Variants in FTO observed in about 807,000 individuals in gnomAD.
FTO encodes FTO alpha-ketoglutarate dependent dioxygenase.
Under a neutral mutation model 63.9 loss-of-function variants are expected in FTO, and 47 were observed. The ratio of observed to expected loss-of-function variants is 0.74; its 90% CI spans 0.58 to 0.94. The LOEUF (loss-of-function observed/expected upper bound fraction) is 0.94, where lower values mean the gene tolerates loss of function less well. Ranked by LOEUF, FTO falls within the 40% of genes least tolerant of loss-of-function variation. The probability of loss-of-function intolerance (pLI) is 0.00; values close to 1 mark genes in which losing one functional copy is unlikely to be tolerated. For missense variants in FTO, 562 were observed against 618.1 expected (o/e 0.91, Z 0.96); for synonymous variants, 207 against 224.4 (o/e 0.92, Z 0.69).
chr16:53,817,349 A>G (rs1207577766), intron 2 of FTO, among the ~76,000 whole-genome samples: 2 of 152,230 alleles, frequency 1.3e-5, no homozygotes, highest in Non-Finnish European at 2.9e-5. Flanking sequence ...AGTCTGGGTC[A>G]GACGAGTGTT....
intron 8 of FTO, among the ~76,000 whole-genome samples, chr16:53,948,628 C>G (rs560444657): frequency 7.4e-4 from 113 of 152,346 alleles, no homozygotes; most frequent in African/African-American, 2.6e-3. Flanking sequence ...GTTAGTAGGT[C>G]TTCCACATTT....
chr16:53,762,068 G>A lies in FTO; in HGVS notation c.46-48072G>A, dbSNP rs1314254531. Among the ~76,000 whole-genome samples the A allele has an allele frequency of 3.3e-5, 5 of 152,168 alleles. No individual in the cohort carries two copies. In the East Asian group the frequency reaches 9.6e-4, roughly 29 times the overall value. On this transcript the variant is annotated intron_variant, in intron 1 of 8. Transcript: ENST00000471389. The stretch of plus-strand genomic sequence containing the variant: ...AATTGCAAATGTTCTATTATATTTA[G>A]AAAGAGAAGGAATGGAAACCTGACT...
At chr16:53,780,133 G>A (rs962156900) in intron 1 of FTO, among the ~76,000 whole-genome samples, 65 of 152,224 alleles carry the variant, frequency 4.3e-4, no homozygotes, top group African/African-American at 1.4e-3. Context: ...TCCTGCTCTG[G>A]CTGACAAGAC....
At chr16:54,031,564 G>A (rs1179597708) in intron 8 of FTO, among the ~76,000 whole-genome samples, 1 of 152,144 alleles carries the variant, frequency 6.6e-6, no homozygotes, top group Non-Finnish European at 1.5e-5. Flanking sequence ...GTTCCTTGGT[G>A]TGGGTCACAG....
chr16:53,839,599 C>T (rs978110919), intron 3 of FTO, among the ~76,000 whole-genome samples: 1 of 151,890 alleles, frequency 6.6e-6, no homozygotes, highest in Non-Finnish European at 1.5e-5. Context: ...TTGATGCCAG[C>T]TTGAGAAGAG....
At chr16:53,881,465 CTG>C (rs1168425478) in intron 6 of FTO, among the ~76,000 whole-genome samples, 2 of 152,176 alleles carry the variant, frequency 1.3e-5, no homozygotes, top group Non-Finnish European at 2.9e-5. Flanking sequence ...CAATGAGAGT[CTG>C]TAACACAGGA....
At chr16:53,720,643 A>AAAG (rs199901732) in intron 1 of FTO, among the ~76,000 whole-genome samples, 7 of 146,834 alleles carry the variant, frequency 4.8e-5, no homozygotes, top group African/African-American at 1.5e-4. Flanking sequence ...ATATATATAA[A>AAAG]ATATATATAT....
chr16:53,918,863 C>T (rs889909585), intron 7 of FTO, among the ~76,000 whole-genome samples: 1 of 152,140 alleles, frequency 6.6e-6, no homozygotes, highest in African/African-American at 2.4e-5. Context: ...GTTAGAACAC[C>T]TGGTTTCTAG....
chr16:53,769,484 G>A (rs2151627445), intron 1 of FTO, among the ~76,000 whole-genome samples: 1 of 152,290 alleles, frequency 6.6e-6, no homozygotes, highest in East Asian at 1.9e-4. Context: ...GTTAATTCAT[G>A]TAAAATATTT....
At chr16:53,902,230 G>A (rs1414556415) in intron 7 of FTO, among the ~76,000 whole-genome samples, 1 of 152,108 alleles carries the variant, frequency 6.6e-6, no homozygotes, top group Non-Finnish European at 1.5e-5. Flanking sequence ...TACTCAAACT[G>A]CTAGGCTCTG....
intron 8 of FTO, among the ~76,000 whole-genome samples, chr16:54,075,253 T>C (rs1475641416): frequency 6.6e-6 from 1 of 152,184 alleles, no homozygotes; most frequent in Non-Finnish European, 1.5e-5. Context: ...CATGAAGTTA[T>C]ACTTGGAATA....
intron 8 of FTO, among the ~76,000 whole-genome samples, chr16:53,953,596 A>G (rs1487503358): frequency 1.3e-5 from 2 of 152,236 alleles, no homozygotes; most frequent in Non-Finnish European, 2.9e-5. Flanking sequence ...TAGAAAATGC[A>G]TTTAAAATTT....
At chr16:54,054,008 G>C (rs557005999) in intron 8 of FTO, among the ~76,000 whole-genome samples, 1 of 151,902 alleles carries the variant, frequency 6.6e-6, no homozygotes, top group African/African-American at 2.4e-5. Context: ...CTTAGATCCT[G>C]GTGTCGGTTT....
At chr16:54,023,557 A>G (rs1305735321) in intron 8 of FTO, among the ~76,000 whole-genome samples, 3 of 152,152 alleles carry the variant, frequency 2.0e-5, no homozygotes, top group East Asian at 3.9e-4. Context: ...GACCAGCCCA[A>G]CTTCATTTAC....
At chr16:53,868,324 TCTC>T (rs2080391059) in intron 4 of FTO, among the ~76,000 whole-genome samples, 1 of 152,144 alleles carries the variant, frequency 6.6e-6, no homozygotes, top group African/African-American at 2.4e-5. Context: ...TTTCATTTCA[TCTC>T]CTTTCTTAGC....
chr16:53,874,790 G>A (rs186582419), intron 5 of FTO, among the ~76,000 whole-genome samples: 4 of 152,254 alleles, frequency 2.6e-5, no homozygotes, highest in Admixed American at 2.6e-4. Context: ...AAACCAAGAT[G>A]CCAGCAAGCC....
intron 8 of FTO, among the ~76,000 whole-genome samples, chr16:54,067,455 A>G (rs891525425): frequency 1.3e-5 from 2 of 152,194 alleles, no homozygotes; most frequent in Admixed American, 6.5e-5. Flanking sequence ...CTAAATCTTT[A>G]TTGCAAAGGT....
intron 4 of FTO, among the ~76,000 whole-genome samples, chr16:53,850,953 T>C (rs150771165): frequency 2.2e-4 from 34 of 152,292 alleles, no homozygotes; most frequent in African/African-American, 7.7e-4. Context: ...GAGTGAATTG[T>C]ATGGTACATG....
At chr16:53,872,361 G>C (rs776627489) in intron 4 of FTO, among the ~76,000 whole-genome samples, 1 of 152,164 alleles carries the variant, frequency 6.6e-6, no homozygotes, top group Non-Finnish European at 1.5e-5. Flanking sequence ...AGCTGTTTCT[G>C]TTCCAGCATT....
Sources: allele counts gnomAD v4.1 joint callset (sites outside exome capture counted in the v4.1 genomes callset), GRCh38; gene constraint gnomAD v4.1.1; transcripts MANE v1.5; gene names NCBI Gene and HGNC (gene_info 2026-07-23, HGNC 2026-07-21).